The following ATP9B variants were observed in gnomAD, a reference collection of about 807,000 sequenced individuals.
The protein encoded by ATP9B is probable phospholipid-transporting ATPase IIB.
ATP9B carries 110 observed loss-of-function variants against 146.1 expected under a neutral mutation model. That is an observed-to-expected ratio of 0.75 (90% CI 0.65 to 0.88). The LOEUF (loss-of-function observed/expected upper bound fraction) is 0.88. ATP9B is among the 40% of genes least tolerant of loss of function. ATP9B has a pLI of 0.00. For synonymous variants in ATP9B, 604 were observed against 569.7 expected (o/e 1.06, Z -0.86); for missense variants, 1,499 against 1,496.4 (o/e 1.00, Z -0.03).
intron 11 of ATP9B, among the ~76,000 whole-genome samples, chr18:79,215,577 C>G (rs1028381275): frequency 1.3e-5 from 2 of 152,138 alleles, no homozygotes; most frequent in East Asian, 3.8e-4. Context: ...AATAGTGTTA[C>G]AATTATTTAA....
At chr18:79,187,306 T>C (rs982323631) in intron 8 of ATP9B, among the ~76,000 whole-genome samples, 2 of 152,046 alleles carry the variant, frequency 1.3e-5, no homozygotes, top group African/African-American at 4.8e-5. Context: ...GGTCAAAGGG[T>C]GATAGGGCAA....
Position 79,306,994 on chromosome 18 carries a change from T to C in ATP9B, c.1533T>C (p.Ser511=), listed in dbSNP as rs756109779. 1 of 1,614,172 alleles carries C rather than the reference T, an allele frequency of 6.2e-7. No individual in the cohort carries two copies. Among genetic ancestry groups the C allele is most frequent in the Non-Finnish European group, 8.5e-7 (1 of 1,179,994 alleles). Residue 511 remains serine (S), a synonymous_variant, in exon 15 of 30, where the codon TCT becomes TCC. Transcript: ENST00000426216. ...CGTTTCATATTCTAAAGATGCAGTC[T>C]CAAGCTGGTGGAAACAATACTGGTT... ...HVRDSYSQMQ[S]QAGGNNTGST...
At position 79,344,472 on chromosome 18, in the gene ATP9B, G is replaced by A. The variant is rs565903905; in HGVS notation, c.2472+118G>A. 7 of 840,682 alleles carry A rather than the reference G, an allele frequency of 8.3e-6. No individual in the cohort carries two copies. In the East Asian group the frequency reaches 1.8e-4, roughly 22 times the overall value. 52.1% of individuals were successfully genotyped at this position (840,682 alleles called of 1,614,324 possible). The stretch of plus-strand genomic sequence containing the variant: ...CTGGACCCTGAGTGAGTACATGTCT[G>A]TCTGTCTGTCTGTCTGTGTCTCTGA... On this transcript the variant is annotated intron_variant, in intron 21 of 29. Coordinates refer to ENST00000426216, the MANE Select transcript of ATP9B (RefSeq NM_198531.5).
chr18:79,174,134 TC>T (rs2095123087), intron 7 of ATP9B: 1 of 398,350 alleles, frequency 2.5e-6, no homozygotes, highest in Non-Finnish European at 4.9e-6. Context: ...AAAGAGTACA[TC>T]TGCTCTATCT....
chr18:79,374,471 G>A (rs908631263), intron 28 of ATP9B, among the ~76,000 whole-genome samples: 2 of 135,612 alleles, frequency 1.5e-5, no homozygotes, highest in Non-Finnish European at 3.2e-5. Flanking sequence ...TCACTGGCTG[G>A]CCGGTCCCCT....
At chr18:79,147,653 A>T (rs2094613496) in intron 6 of ATP9B, among the ~76,000 whole-genome samples, 1 of 152,122 alleles carries the variant, frequency 6.6e-6, no homozygotes, top group Admixed American at 6.6e-5. Context: ...ATTCTGGAAT[A>T]AGTGGGATGC....
chr18:79,307,469 C>T (rs1258246857), intron 15 of ATP9B: 2 of 552,268 alleles, frequency 3.6e-6, no homozygotes, highest in Non-Finnish European at 6.3e-6. Context: ...TCCCAGAACA[C>T]CCAGGGCTGG....
At chr18:79,200,781 GTA>G (rs1407024939) in intron 9 of ATP9B, among the ~76,000 whole-genome samples, 157 of 150,744 alleles carry the variant, frequency 1.0e-3, no homozygotes, top group East Asian at 2.8e-3. Context: ...CAGAGCAGAA[GTA>G]GTGGTGGAAT....
At chr18:79,178,820 G>A (rs1329221548) in intron 8 of ATP9B, among the ~76,000 whole-genome samples, 1 of 152,170 alleles carries the variant, frequency 6.6e-6, no homozygotes, top group Admixed American at 6.5e-5. Flanking sequence ...ATATGGATCT[G>A]TATTGCTTTT....
chr18:79,107,164 C>G (rs2075706327), intron 2 of ATP9B, among the ~76,000 whole-genome samples: 1 of 152,060 alleles, frequency 6.6e-6, no homozygotes, highest in Non-Finnish European at 1.5e-5. Context: ...TCATATGAAG[C>G]CTGTCTTGCA....
intron 13 of ATP9B, among the ~76,000 whole-genome samples, chr18:79,281,986 A>G (rs1273083433): frequency 6.6e-6 from 1 of 152,210 alleles, no homozygotes; most frequent in East Asian, 1.9e-4. Flanking sequence ...ACAGGTTTGG[A>G]AGAAGTTGAT....
At chr18:79,300,571 G>A (rs752413020) in intron 13 of ATP9B, among the ~76,000 whole-genome samples, 9 of 152,190 alleles carry the variant, frequency 5.9e-5, no homozygotes, top group Non-Finnish European at 1.3e-4. Flanking sequence ...CCCTTTGTGA[G>A]GACACTGAGA....
chr18:79,296,241 C>A (rs1238955579), intron 13 of ATP9B, among the ~76,000 whole-genome samples: 2 of 152,216 alleles, frequency 1.3e-5, no homozygotes, highest in Non-Finnish European at 2.9e-5. Flanking sequence ...GTCTTGAACT[C>A]CTAGGCCCAA....
chr18:79,082,497 G>A (rs1272259148), intron 1 of ATP9B, among the ~76,000 whole-genome samples: 1 of 152,208 alleles, frequency 6.6e-6, no homozygotes, highest in Non-Finnish European at 1.5e-5. Context: ...CTGGTTTTAG[G>A]AATTATCAGC....
intron 7 of ATP9B, among the ~76,000 whole-genome samples, chr18:79,161,267 A>C (rs1049109037): frequency 2.0e-5 from 3 of 152,224 alleles, no homozygotes; most frequent in African/African-American, 7.2e-5. Context: ...TTTGTCTTAC[A>C]TTCCATGTTG....
intron 1 of ATP9B, among the ~76,000 whole-genome samples, chr18:79,092,596 C>G (rs898326583): frequency 7.4e-6 from 1 of 135,734 alleles, no homozygotes; most frequent in African/African-American, 2.8e-5. Context: ...TATTCTAATT[C>G]TATATGCTTT....
intron 7 of ATP9B, among the ~76,000 whole-genome samples, chr18:79,174,390 C>G (rs1339831819): frequency 6.6e-6 from 1 of 152,216 alleles, no homozygotes; most frequent in East Asian, 1.9e-4. Flanking sequence ...ATTACAACCA[C>G]AATTCCATTA....
At chr18:79,366,412 T>A (rs1433470763) in intron 26 of ATP9B, among the ~76,000 whole-genome samples, 1 of 152,282 alleles carries the variant, frequency 6.6e-6, no homozygotes, top group East Asian at 1.9e-4. Context: ...TTGACTGTGG[T>A]TCACTGTAAG....
chr18:79,176,764 CCTT>C (rs762995875), intron 7 of ATP9B, 46 bp from the exon 8 acceptor site: 3 of 1,518,678 alleles, frequency 2.0e-6, no homozygotes, highest in Non-Finnish European at 2.7e-6. Flanking sequence ...TCAGGAAAAA[CCTT>C]CTGTAACAAT....
Sources: gnomAD v4.1 joint callset for allele counts (sites outside exome capture counted in the v4.1 genomes callset) on GRCh38, gnomAD v4.1.1 for gene constraint, MANE v1.5 for transcripts, NCBI Gene and HGNC (gene_info 2026-07-23, HGNC 2026-07-21) for gene names.